Variants in ABCA13 observed in about 807,000 individuals in gnomAD.
ABCA13 encodes ATP binding cassette subfamily A member 13.
In ABCA13, 476 loss-of-function variants were observed where a neutral mutation model predicts 478.7. That is an observed-to-expected ratio of 0.99 (90% CI 0.92 to 1.07). The LOEUF (loss-of-function observed/expected upper bound fraction) is 1.07, where lower values mean the gene tolerates loss of function less well. ABCA13 is among the 50% of genes least tolerant of loss of function. The pLI, the probability that ABCA13 is intolerant of heterozygous loss-of-function variation, is 0.00. For synonymous variants in ABCA13, 2,252 were observed against 2,158.9 expected, an observed-to-expected ratio of 1.04 and a Z score of -1.20; for missense variants, 6,060 against 5,910.6, an observed-to-expected ratio of 1.03 and a Z score of -0.83.
intron 57 of ABCA13, among the ~76,000 whole-genome samples, chr7:48,592,036 T>C (rs756766148): frequency 3.3e-5 from 5 of 151,924 alleles, no homozygotes; most frequent in Non-Finnish European, 5.9e-5. Context: ...CTTGTTCTTC[T>C]TAGATTTGAA....
At chr7:48,338,335 T>C in intron 28 of ABCA13, 30 bp from the exon 29 acceptor site, 2 of 1,465,770 alleles carry the variant, frequency 1.4e-6, no homozygotes, top group Non-Finnish European at 1.9e-6. Context: ...AATGCAATTA[T>C]TTTTATTAAG....
chr7:48,333,628 C>G (rs950009025), intron 27 of ABCA13, among the ~76,000 whole-genome samples: 1 of 152,048 alleles, frequency 6.6e-6, no homozygotes, highest in Non-Finnish European at 1.5e-5. Flanking sequence ...AGATCTTGGC[C>G]CACTTTGTGT....
intron 59 of ABCA13, among the ~76,000 whole-genome samples, chr7:48,639,164 A>G (rs1794917339): frequency 6.6e-6 from 1 of 152,152 alleles, no homozygotes; most frequent in Non-Finnish European, 1.5e-5. Flanking sequence ...GTGGGTAATC[A>G]TGAGGACTGA....
intron 51 of ABCA13, among the ~76,000 whole-genome samples, chr7:48,516,243 A>G (rs1832096921): frequency 1.3e-5 from 2 of 152,184 alleles, no homozygotes; most frequent in South Asian, 2.1e-4. Context: ...TAAATGGAAA[A>G]TTCCAGAAAT....
intron 43 of ABCA13, among the ~76,000 whole-genome samples, chr7:48,461,013 C>T (rs1367218175): frequency 2.6e-5 from 4 of 152,160 alleles, no homozygotes; most frequent in Non-Finnish European, 5.9e-5. Context: ...ATCTTTATCA[C>T]ATGAGATAGT....
intron 38 of ABCA13, among the ~76,000 whole-genome samples, chr7:48,397,522 A>T (rs1817005488): frequency 6.6e-6 from 1 of 152,144 alleles, no homozygotes; most frequent in Admixed American, 6.5e-5. Flanking sequence ...CCCAGGGGTC[A>T]GGGTCTGAAA....
intron 6 of ABCA13, among the ~76,000 whole-genome samples, chr7:48,228,799 GCC>G (rs1788627622): frequency 6.6e-6 from 1 of 152,188 alleles, no homozygotes; most frequent in African/African-American, 2.4e-5. Context: ...TATTTGAAAT[GCC>G]TCCCTTTGTA....
At chr7:48,539,072 C>CAT (rs1833790061) in intron 55 of ABCA13, among the ~76,000 whole-genome samples, 2 of 152,150 alleles carry the variant, frequency 1.3e-5, no homozygotes, top group South Asian at 4.1e-4. Context: ...ATGATGTTCT[C>CAT]TTTCATCAAG....
chr7:48,368,946 G>C (rs545213551), intron 32 of ABCA13, among the ~76,000 whole-genome samples: 1 of 152,002 alleles, frequency 6.6e-6, no homozygotes, highest in Admixed American at 6.6e-5. Flanking sequence ...TCAAATGGTA[G>C]ATCTACTTTT....
Position 48,272,686 on chromosome 7 carries a change from T to G in ABCA13, c.3020T>G (p.Ile1007Ser). Residue 1007 changes from isoleucine (I) to serine (S), a missense_variant, in exon 17 of 62, where the codon ATC becomes AGC. Ile to Ser is a moderately radical substitution (Grantham distance 142). This residue lies in a region of ABCA13 where 4,423 missense variants were observed against 4,309.1 expected (regional missense o/e 1.03). Transcript: ENST00000435803. ...DIIKQFNFQNISKAFAFLFKT... is the reference protein window; with the variant it reads ...DIIKQFNFQNSSKAFAFLFKT... ...ATAAAACAATTTAATTTCCAAAACA[T>G]CAGTAAAGCATTTGCATTTTTATTT... is the stretch of plus-strand genomic sequence containing the variant. The G allele has an allele frequency of 1.2e-6, 2 of 1,612,544 alleles. No individual in the cohort carries two copies. The highest frequency in any genetic ancestry group is 8.5e-7 in the Non-Finnish European group (1 of 1,179,074).
intron 49 of ABCA13, among the ~76,000 whole-genome samples, chr7:48,507,255 G>A (rs1172827829): frequency 6.6e-6 from 1 of 152,326 alleles, no homozygotes; most frequent in Non-Finnish European, 1.5e-5. Flanking sequence ...GAGTTCCATC[G>A]TGTCGGCCTC....
At position 48,427,828 on chromosome 7, in the gene ABCA13, A is replaced by G; in HGVS notation, c.12522A>G (p.Ser4174=). The G allele has an allele frequency of 6.2e-7, 1 of 1,613,438 alleles. No individual in the cohort carries two copies. Among genetic ancestry groups the G allele is most frequent in the Non-Finnish European group, 8.5e-7 (1 of 1,179,678 alleles). ...CTCACATTGCCCTGGGGACTGAGTC[A>G]GAGCTGCAGAACCACAGGCCTACAG... The part of the protein sequence containing the change: ...KKSHIALGTE[S]ELQNHRPTGH... Residue 4174 remains serine (S), a synonymous_variant, in exon 42 of 62, where the codon TCA becomes TCG. Coordinates refer to ENST00000435803, the MANE Select transcript of ABCA13 (RefSeq NM_152701.5).
At position 48,335,487 on chromosome 7, in the gene ABCA13, C is replaced by T. The variant is rs2128943930; in HGVS notation, c.10065C>T (p.Ser3355=). Residue 3355 remains serine, a synonymous_variant, in exon 28 of 62, where the codon TCC becomes TCT. Transcript: ENST00000435803. Reference sequence around the variant, plus strand: ...TATCAGAAACACTGCTGGAAATGTCCAGCCTTTTCCAGAGAAGTGGAAGTG... The same window carrying T: ...TATCAGAAACACTGCTGGAAATGTCTAGCCTTTTCCAGAGAAGTGGAAGTG... ...KTLSETLLEM[S]SLFQRSGSGQ... 1 of 1,613,432 alleles carries T rather than the reference C, an allele frequency of 6.2e-7. No individual in the cohort carries two copies.
intron 45 of ABCA13, among the ~76,000 whole-genome samples, chr7:48,472,192 A>G (rs991214460): frequency 6.6e-6 from 1 of 152,236 alleles, no homozygotes; most frequent in Non-Finnish European, 1.5e-5. Context: ...GCCACAATCA[A>G]TAAGCAAGTA....
chr7:48,367,662 G>A (rs1811889741), intron 31 of ABCA13, 132 bp from the exon 32 acceptor site: 1 of 692,708 alleles, frequency 1.4e-6, no homozygotes, highest in Admixed American at 2.1e-5. Context: ...TCCTACCTAA[G>A]TCACAGGCAT....
At position 48,401,378 on chromosome 7, in the gene ABCA13, A is replaced by G. The variant is rs572248307; in HGVS notation, c.11874-2305A>G. On this transcript the variant is annotated intron_variant, in intron 38 of 61. Transcript: ENST00000435803. ...TCTTCAGAATTATAGATTCTACAGTATTGTGATGTGATAGAAAGTTCTACT... is the reference window on the plus strand; with the variant it reads ...TCTTCAGAATTATAGATTCTACAGTGTTGTGATGTGATAGAAAGTTCTACT... 1.1e-4 allele frequency among the ~76,000 whole-genome samples: 16 copies of G among 152,340 alleles called. No homozygotes were observed. In the South Asian group the frequency reaches 3.3e-3, roughly 32 times the overall value.
At chr7:48,394,210 CAGATT>C (rs1453089765) in intron 38 of ABCA13, among the ~76,000 whole-genome samples, 7 of 152,114 alleles carry the variant, frequency 4.6e-5, no homozygotes, top group Admixed American at 3.9e-4. Flanking sequence ...CCTATTGTCT[CAGATT>C]TATTATGAGT....
intron 42 of ABCA13, among the ~76,000 whole-genome samples, chr7:48,428,980 T>C (rs911764035): frequency 2.0e-5 from 3 of 152,180 alleles, no homozygotes; most frequent in Middle Eastern, 3.2e-3. Flanking sequence ...CAACCCCTAA[T>C]GTACTTTCAA....
intron 19 of ABCA13, among the ~76,000 whole-genome samples, chr7:48,283,809 A>G (rs1022380559): frequency 6.6e-6 from 1 of 152,216 alleles, no homozygotes; most frequent in African/African-American, 2.4e-5. Context: ...TGTTAAAACA[A>G]GTGATGTCGT....
Sources: allele counts gnomAD v4.1 joint callset (sites outside exome capture counted in the v4.1 genomes callset), GRCh38; gene constraint gnomAD v4.1.1; regional missense constraint gnomAD v4.1.1; transcripts MANE v1.5; gene names NCBI Gene and HGNC (gene_info 2026-07-23, HGNC 2026-07-21).